The following SLC25A24 variants were observed in gnomAD, a reference collection of about 807,000 sequenced individuals.
SLC25A24 encodes solute carrier family 25 member 24.
SLC25A24 carries 49 observed loss-of-function variants against 60.7 expected under a neutral mutation model. The ratio of observed to expected loss-of-function variants is 0.81; its 90% CI spans 0.64 to 1.02. The LOEUF is 1.02. Ranked by LOEUF, SLC25A24 falls within the 50% of genes least tolerant of loss-of-function variation. The pLI, the probability that SLC25A24 is intolerant of heterozygous loss-of-function variation, is 0.00. For missense variants in SLC25A24, 564 were observed against 586.3 expected (o/e 0.96, Z 0.39); for synonymous variants, 202 against 200.6 (o/e 1.01, Z -0.06).
intron 3 of SLC25A24, among the ~76,000 whole-genome samples, chr1:108,171,408 A>G (rs1446930653): frequency 6.6e-6 from 1 of 152,152 alleles, no homozygotes; most frequent in African/African-American, 2.4e-5. Flanking sequence ...TATCATATTC[A>G]TGGATGTTTC....
intron 3 of SLC25A24, among the ~76,000 whole-genome samples, chr1:108,173,515 G>A (rs1378133470): frequency 6.6e-6 from 1 of 152,156 alleles, no homozygotes; most frequent in Non-Finnish European, 1.5e-5. Context: ...CCATTCTCAG[G>A]TGGTTCTTTA....
At chr1:108,183,263 C>A (rs1031181441) in intron 2 of SLC25A24, among the ~76,000 whole-genome samples, 2 of 152,180 alleles carry the variant, frequency 1.3e-5, no homozygotes, top group Non-Finnish European at 1.5e-5. Flanking sequence ...GAAGGAGCAG[C>A]ATGAGAATCT....
chr1:108,135,106 A>G lies in SLC25A24; in HGVS notation c.*1547T>C, dbSNP rs746600947. The G allele has an allele frequency of 1.3e-4, 20 of 152,550 alleles. No individual in the cohort carries two copies. Among genetic ancestry groups the G allele is most frequent in the Non-Finnish European group, 2.4e-4 (16 of 68,002 alleles). The allele number at this position is 152,550 out of a possible 1,614,324, so 9.4% of individuals were successfully genotyped here. On this transcript the variant is annotated 3_prime_UTR_variant, in exon 10 of 10. Coordinates refer to ENST00000565488, the MANE Select transcript of SLC25A24 (RefSeq NM_013386.5). ...TAAAAATAGAAAGAGCTGATCATGT[A>G]CCTTAATATTGTCACTTTATATATT...
intron 8 of SLC25A24, among the ~76,000 whole-genome samples, chr1:108,142,274 C>T (rs1679463287): frequency 6.6e-6 from 1 of 152,064 alleles, no homozygotes; most frequent in Admixed American, 6.6e-5. Context: ...GAGATATATA[C>T]CCAAAGGAAT....
At chr1:108,173,559 G>C (rs77693917) in intron 3 of SLC25A24, among the ~76,000 whole-genome samples, 2,155 of 152,248 alleles carry the variant, frequency 0.014, 60 homozygotes, top group African/African-American at 0.049. Flanking sequence ...ACAGTAAATT[G>C]GTACTAGGAG....
At chr1:108,180,655 T>TCTCTCA (rs1647892786) in intron 3 of SLC25A24, among the ~76,000 whole-genome samples, 5 of 105,688 alleles carry the variant, frequency 4.7e-5, no homozygotes, top group African/African-American at 1.7e-4. Context: ...TCTCTCTCTC[T>TCTCTCA]CTCTCTCTCT....
At chr1:108,144,447 G>GTTTTTGCC (rs1679531200) in intron 7 of SLC25A24, among the ~76,000 whole-genome samples, 2 of 152,036 alleles carry the variant, frequency 1.3e-5, no homozygotes, top group South Asian at 2.1e-4. Flanking sequence ...TTTAAAAATT[G>GTTTTTGCC]TACTTTAAGT....
rs529104090 is a variant in SLC25A24, at chr1:108,154,531, T to C, written c.822+452A>G. Reference sequence around the variant, plus strand: ...GCCAAGCTCTGTCTAGGTGCTGGAGTACATGGGGAAGAAGCCACGCCCCTG... The same window carrying C: ...GCCAAGCTCTGTCTAGGTGCTGGAGCACATGGGGAAGAAGCCACGCCCCTG... On this transcript the variant is annotated intron_variant, in intron 6 of 9. Transcript: ENST00000565488. 2.0e-5 allele frequency among the ~76,000 whole-genome samples: 3 copies of C among 152,194 alleles called. No homozygotes were observed. The East Asian group carries it at 5.8e-4, about 29-fold the overall frequency.
Position 108,191,001 on chromosome 1 carries a change from G to A in SLC25A24, c.184-5047C>T, listed in dbSNP as rs115795281. Among the ~76,000 whole-genome samples the A allele has an allele frequency of 2.1e-3, 296 of 140,202 alleles. 26 individuals carry two copies. The highest frequency in any genetic ancestry group is 6.9e-3 in the African/African-American group (279 of 40,410). The allele number at this position is 140,202 out of a possible 152,430, so 92.0% of individuals were successfully genotyped here. A position where few individuals can be genotyped will look rare whatever the true frequency, so the allele number is the denominator to read the frequency against. On this transcript the variant is annotated intron_variant, in intron 1 of 9. Transcript: ENST00000565488. ...CCTTTTGTTTCAATAAGGAAGAAAT[G>A]TGTTTCAAAAGATTCGACTTGATAG... is the stretch of plus-strand genomic sequence containing the variant.
Position 108,200,094 on chromosome 1 carries a change from G to A in SLC25A24, c.45C>T (p.Cys15=), listed in dbSNP as rs1373631948. 1.3e-6 allele frequency: 2 copies of A among 1,575,720 alleles called. No individual in the cohort carries two copies. The highest frequency in any genetic ancestry group is 1.7e-6 in the Non-Finnish European group (2 of 1,161,464). Residue 15 remains cysteine (C), a synonymous_variant, in exon 1 of 10, where the codon TGC becomes TGT. Coordinates refer to ENST00000565488, the MANE Select transcript of SLC25A24 (RefSeq NM_013386.5). The part of the protein sequence containing the change: ...LRDFVLPTAA[C]QDAEQPTRYE... ...AGCGCGTCGGCTGCTCCGCGTCCTG[G>A]CAGGCCGCGGTGGGCAGCACGAAGT...
Position 108,136,626 on chromosome 1 carries a change from T to G in SLC25A24, c.*27A>C, listed in dbSNP as rs762097430. Reference sequence around the variant, plus strand: ...TCCAGAGATTGTTGAAAGTTTCAATTATCAGGCTAAAGCAAAAAATGCAAC... The same window carrying G: ...TCCAGAGATTGTTGAAAGTTTCAATGATCAGGCTAAAGCAAAAAATGCAAC... On this transcript the variant is annotated 3_prime_UTR_variant, in exon 10 of 10. Coordinates refer to ENST00000565488, the MANE Select transcript of SLC25A24 (RefSeq NM_013386.5). 1.3e-5 allele frequency: 21 copies of G among 1,590,948 alleles called. No individual in the cohort carries two copies. The highest frequency in any genetic ancestry group is 1.8e-5 in the Non-Finnish European group (21 of 1,162,404).
At chr1:108,148,479 T>C (rs1187008790) in intron 6 of SLC25A24, 93 bp from the exon 7 acceptor site, 1 of 752,516 alleles carries the variant, frequency 1.3e-6, no homozygotes, top group African/African-American at 1.7e-5. Flanking sequence ...TAACCTCCCA[T>C]GTGATGGTAT....
intron 3 of SLC25A24, among the ~76,000 whole-genome samples, chr1:108,176,220 A>T (rs1647669613): frequency 6.6e-6 from 1 of 152,182 alleles, no homozygotes; most frequent in South Asian, 2.1e-4. Context: ...GGGCTGAAAA[A>T]TACAATGAAC....
chr1:108,195,088 TC>T (rs1470232217), intron 1 of SLC25A24, among the ~76,000 whole-genome samples: 1 of 152,248 alleles, frequency 6.6e-6, no homozygotes, highest in African/African-American at 2.4e-5. Context: ...CTTGGTGGAC[TC>T]CATTCAATCC....
At position 108,192,521 on chromosome 1, in the gene SLC25A24, G is replaced by C; in HGVS notation, c.184-6567C>G. The C allele has an allele frequency of 1.3e-6, 2 of 1,496,718 alleles. 1 individual carries two copies. The highest frequency in any genetic ancestry group is 3.4e-4 in the Middle Eastern group (2 of 5,936). The allele number at this position is 1,496,718 out of a possible 1,614,324, so 92.7% of individuals were successfully genotyped here. On this transcript the variant is annotated intron_variant, in intron 1 of 9. Coordinates refer to ENST00000565488, the MANE Select transcript of SLC25A24 (RefSeq NM_013386.5). ...CTTCGCTTCCTCTAGAGATTGAATG[G>C]CCCCTACATCCTCCAGGCCTTCCTG...
At chr1:108,160,160 C>A (rs1458050030) in intron 4 of SLC25A24, among the ~76,000 whole-genome samples, 1 of 150,838 alleles carries the variant, frequency 6.6e-6, no homozygotes, top group African/African-American at 2.5e-5. Flanking sequence ...ACTTCCCAGA[C>A]GGGGCGGCTG....
rs555597622 is a variant in SLC25A24 at position 108,190,368 on chromosome 1, G to C, written c.184-4414C>G. ...GGCTGTCGGTTATTAATCAAATTCTGACCATTTGGGGCTGTTACAGCAGTT... is the reference window on the plus strand; with the variant it reads ...GGCTGTCGGTTATTAATCAAATTCTCACCATTTGGGGCTGTTACAGCAGTT... On this transcript the variant is annotated intron_variant, in intron 1 of 9. Transcript: ENST00000565488. 2.6e-5 allele frequency among the ~76,000 whole-genome samples: 4 copies of C among 152,280 alleles called. No homozygotes were observed. In the South Asian group the frequency reaches 8.3e-4, roughly 32 times the overall value.
At chr1:108,139,554 T>G (rs1011392955) in intron 8 of SLC25A24, among the ~76,000 whole-genome samples, 1 of 152,362 alleles carries the variant, frequency 6.6e-6, no homozygotes, top group South Asian at 2.1e-4. Context: ...TATATTTCAT[T>G]TGAGCCTTAC....
rs1262813910 is a variant in SLC25A24 at position 108,187,922 on chromosome 1, TTATAGATA to T, written c.184-1976_184-1969del. 3.9e-5 allele frequency among the ~76,000 whole-genome samples: 2 copies of T among 51,044 alleles called. 1 individual carries two copies. The highest frequency in any genetic ancestry group is 1.7e-4 in the African/African-American group (2 of 11,496). The allele number at this position is 51,044 out of a possible 152,430, so 33.5% of individuals were successfully genotyped here. A position where few individuals can be genotyped will look rare whatever the true frequency, so the allele number is the denominator to read the frequency against. On this transcript the variant is annotated intron_variant, in intron 1 of 9. Coordinates refer to ENST00000565488, the MANE Select transcript of SLC25A24 (RefSeq NM_013386.5). The stretch of plus-strand genomic sequence containing the variant: ...CATAATACACGAAATGGATAAGACA[TTATAGATA>T]TATATATATATATATTCATGCACTG...
Sources: allele counts gnomAD v4.1 joint callset (sites outside exome capture counted in the v4.1 genomes callset), GRCh38; gene constraint gnomAD v4.1.1; transcripts MANE v1.5; gene names NCBI Gene and HGNC (gene_info 2026-07-23, HGNC 2026-07-21).